Variants in PARP10 observed in about 807,000 individuals in gnomAD.
PARP10 encodes protein mono-ADP-ribosyltransferase PARP10.
In PARP10, 56 loss-of-function variants were observed where a neutral mutation model predicts 82.4. That is an observed-to-expected ratio of 0.68 (90% CI 0.55 to 0.85). The LOEUF (loss-of-function observed/expected upper bound fraction) is 0.85, where lower values mean the gene tolerates loss of function less well. Ranked by LOEUF, PARP10 falls within the 40% of genes least tolerant of loss-of-function variation. The pLI, the probability that PARP10 is intolerant of heterozygous loss-of-function variation, is 0.00. For synonymous variants in PARP10, 576 were observed against 601.1 expected (o/e 0.96, Z 0.61); for missense variants, 1,227 against 1,379.4 (o/e 0.89, Z 1.75).
rs546031872 is a variant in PARP10, at chr8:144,008,624, A to G, written c.-80+3906T>C. Among the ~76,000 whole-genome samples the G allele has an allele frequency of 2.0e-5, 3 of 152,334 alleles. No individual in the cohort carries two copies. In the South Asian group the frequency reaches 6.2e-4, roughly 32 times the overall value. ...CTGCGGGCCCAGCCTCCCTGCAGCC[A>G]GGAACTGGGACTGTTCCCAAGTGAC... On this transcript the variant is annotated intron_variant, in intron 1 of 3. Transcript: ENST00000530478. The surrounding 1 kb of genome is among the most constrained non-coding windows in gnomAD (Gnocchi z 4.0).
chr8:143,991,831 G>T (rs1253282310), upstream of PARP10: 1 of 1,607,852 alleles, frequency 6.2e-7, no homozygotes, highest in African/African-American at 1.3e-5. Context: ...CCAAGGCGGT[G>T]GGGGCTGTGG....
chr8:143,993,956 C>T (rs937546810), upstream of PARP10, among the ~76,000 whole-genome samples: 15 of 152,226 alleles, frequency 9.9e-5, no homozygotes, highest in African/African-American at 3.6e-4. Flanking sequence ...AGGCCCGGTC[C>T]TTTGGAGCCC....
chr8:143,983,039 A>G lies in PARP10; in HGVS notation c.2449T>C (p.Trp817Arg). 6.2e-7 allele frequency: 1 copy of G among 1,613,850 alleles called. No individual in the cohort carries two copies. Among genetic ancestry groups the G allele is most frequent in the Non-Finnish European group, 8.5e-7 (1 of 1,179,992 alleles). Residue 817 changes from tryptophan to arginine, a missense_variant, in exon 9 of 11, where the codon TGG (tryptophan) becomes CGG (arginine). Transcript: ENST00000313028. ...TCTGCCAGACGCTCCAGGTTGTTCC[A>G]GGGCCCCTTCAGCGTCTGCCCCGCC... is the stretch of plus-strand genomic sequence containing the variant. ...TLAGQTLKGP[W>R]NNLERLAENT...
chr8:143,992,144 G>A (rs1048241753), upstream of PARP10: 46 of 1,603,376 alleles, frequency 2.9e-5, no homozygotes, highest in Non-Finnish European at 3.7e-5. Flanking sequence ...CCACTCTTCC[G>A]GGCCTGGTCA....
At chr8:143,998,373 C>CCT (rs2133073952) in intron 1 of PARP10, among the ~76,000 whole-genome samples, 1 of 152,274 alleles carries the variant, frequency 6.6e-6, no homozygotes, top group East Asian at 1.9e-4. Context: ...CTCAGCTCTG[C>CCT]CTCTATTGGT....
In PARP10 at chr8:143,985,680, T is replaced by C. The variant is rs782610241; in HGVS notation, c.437-32A>G. 1.6e-5 allele frequency: 25 copies of C among 1,602,736 alleles called. No individual in the cohort carries two copies. The African/African-American group carries it at 3.0e-4, about 19-fold the overall frequency. On this transcript the variant is annotated intron_variant, in intron 3 of 10. Coordinates refer to ENST00000313028, the MANE Select transcript of PARP10 (RefSeq NM_032789.5). The stretch of plus-strand genomic sequence containing the variant: ...GGTATGTGCAGGTCAGCTCAGGGAA[T>C]CCCCCCTAGCCAGCACCTCAACCCC...
At chr8:143,985,383 G>A in intron 4 of PARP10, 29 bp downstream of exon 4, 1 of 1,595,682 alleles carries the variant, frequency 6.3e-7, no homozygotes, top group Non-Finnish European at 8.5e-7. Flanking sequence ...GAGAGGGACG[G>A]TCGGCTGGGT....
At chr8:144,006,152 G>T (rs898784106) in intron 1 of PARP10, among the ~76,000 whole-genome samples, 1 of 152,220 alleles carries the variant, frequency 6.6e-6, no homozygotes, top group Non-Finnish European at 1.5e-5. Context: ...GAGAGCAATG[G>T]CTCCCACATG....
At chr8:143,992,107 T>A, upstream of PARP10, 1 of 1,610,520 alleles carries the variant, frequency 6.2e-7, no homozygotes, top group Non-Finnish European at 8.5e-7. Context: ...CCTCTGTGCC[T>A]GGGTCCGGCC....
At chr8:143,988,586 C>G (rs568841706), upstream of PARP10, among the ~76,000 whole-genome samples, 52 of 151,930 alleles carry the variant, frequency 3.4e-4, 1 homozygote, top group African/African-American at 9.9e-4. Flanking sequence ...CTGCCTCAGC[C>G]CCCCCAATAG....
rs782007727 is a variant in PARP10, at chr8:143,978,046, C to T, written c.2592G>A (p.Gln864=). ...GCAGGCGCTCCCGGTACAGCTCATA[C>T]TGCTGCTGCAGCAGCGGGTGCGACA... The part of the protein sequence containing the change: ...ERVSHPLLQQ[Q]YELYRERLLQ... The change falls in exon 10 of 11, where the codon CAG becomes CAA. Residue 864 remains glutamine, a synonymous_variant. Transcript: ENST00000313028. The T allele has an allele frequency of 6.4e-7, 1 of 1,556,248 alleles. No homozygotes were observed. Among genetic ancestry groups the T allele is most frequent in the Non-Finnish European group, 8.7e-7 (1 of 1,155,044 alleles).
intron 1 of PARP10, among the ~76,000 whole-genome samples, chr8:144,004,482 C>G (rs1049474030): frequency 6.6e-6 from 1 of 152,130 alleles, no homozygotes; most frequent in African/African-American, 2.4e-5. Flanking sequence ...GTCATTGTCC[C>G]CACGCCACAA....
Position 144,008,467 on chromosome 8 carries a change from C to G in PARP10, c.-80+4063G>C, listed in dbSNP as rs1446608183. On this transcript the variant is annotated intron_variant, in intron 1 of 3. Transcript: ENST00000530478. The surrounding 1 kb of genome is among the most constrained non-coding windows in gnomAD (Gnocchi z 4.0). Reference sequence around the variant, plus strand: ...GACAAACTGTGCAAAAGCCAGTGACCCAAGACGGGAAGGAGGAGATCTGAC... The same window carrying G: ...GACAAACTGTGCAAAAGCCAGTGACGCAAGACGGGAAGGAGGAGATCTGAC... 6.6e-6 allele frequency among the ~76,000 whole-genome samples: 1 copy of G among 152,160 alleles called. No individual in the cohort carries two copies. Among genetic ancestry groups the G allele is most frequent in the Non-Finnish European group, 1.5e-5 (1 of 68,030 alleles).
upstream of PARP10, chr8:143,991,431 C>T: frequency 6.9e-7 from 1 of 1,442,234 alleles, no homozygotes; most frequent in Non-Finnish European, 9.2e-7. Flanking sequence ...AGGGGGCTAC[C>T]CACAGGGTCC....
rs1322004309 is a variant in PARP10 at position 143,978,596 on chromosome 8, G to C, written c.2557-515C>G. 3.9e-5 allele frequency among the ~76,000 whole-genome samples: 6 copies of C among 152,228 alleles called. No individual in the cohort carries two copies. In the East Asian group the frequency reaches 1.2e-3, roughly 29 times the overall value. On this transcript the variant is annotated intron_variant, in intron 9 of 10. Transcript: ENST00000313028. Reference sequence around the variant, plus strand: ...TGAAAAGGAACTAGTCTGAAAACCAGAGTGCTCCTGCATTCAGAAAGGGAC... The same window carrying C: ...TGAAAAGGAACTAGTCTGAAAACCACAGTGCTCCTGCATTCAGAAAGGGAC...
In PARP10 at chr8:143,977,445, G is replaced by A. The variant is rs1554746417; in HGVS notation, c.*39C>T. 3 of 1,482,722 alleles carry A rather than the reference G, an allele frequency of 2.0e-6. No homozygotes were observed. The highest frequency in any genetic ancestry group is 5.0e-5 in the East Asian group (2 of 40,392). 91.8% of individuals were successfully genotyped at this position (1,482,722 alleles called of 1,614,324 possible). On this transcript the variant is annotated 3_prime_UTR_variant, in exon 11 of 11. Transcript: ENST00000313028. Reference sequence around the variant, plus strand: ...GGAGCATCAGCCTGTGCGGAGCTGGGAGCCTGGGAAGCAGGAGGCCAGAGG... The same window carrying A: ...GGAGCATCAGCCTGTGCGGAGCTGGAAGCCTGGGAAGCAGGAGGCCAGAGG...
chr8:143,996,233 A>T (rs1343595088), intron 1 of PARP10, among the ~76,000 whole-genome samples: 3 of 152,364 alleles, frequency 2.0e-5, no homozygotes, highest in Middle Eastern at 3.4e-3. Context: ...CCAAAAAGAG[A>T]CTTAAATAAA....
intron 9 of PARP10, among the ~76,000 whole-genome samples, chr8:143,979,973 C>G (rs1224582324): frequency 1.1e-4 from 15 of 135,642 alleles, no homozygotes; most frequent in Non-Finnish European, 2.0e-4. Context: ...CATCGTGCCA[C>G]TGCACTCCAG....
upstream of PARP10, chr8:143,992,822 T>C (rs782181184): frequency 1.9e-6 from 3 of 1,613,648 alleles, no homozygotes; most frequent in Non-Finnish European, 1.7e-6. Flanking sequence ...CTCACCATCA[T>C]TGGCCGCGCC....
Sources: allele counts gnomAD v4.1 joint callset (sites outside exome capture counted in the v4.1 genomes callset), GRCh38; gene constraint gnomAD v4.1.1; non-coding constraint Gnocchi (gnomAD v3.1); transcripts MANE v1.5; gene names NCBI Gene and HGNC (gene_info 2026-07-23, HGNC 2026-07-21).